PSMC6: variants seen among roughly 807,000 people sequenced by gnomAD.
PSMC6 encodes the protein 26S proteasome regulatory subunit 10B.
Under a neutral mutation model 55.9 loss-of-function variants are expected in PSMC6, and 3 were observed. That is an observed-to-expected ratio of 0.05 (90% confidence interval 0.02 to 0.14). The LOEUF (loss-of-function observed/expected upper bound fraction) is 0.14. Among genes scored for constraint, PSMC6 ranks in the 10% least tolerant of loss-of-function variants. PSMC6 has a pLI of 1.00. For missense variants in PSMC6, 210 were observed against 478.7 expected (o/e 0.44, Z 5.24); for synonymous variants, 137 against 155.9 (o/e 0.88, Z 0.90).
At chr14:52,709,548 G>A in intron 4 of PSMC6, 2 of 449,416 alleles carry the variant, frequency 4.5e-6, no homozygotes, top group South Asian at 3.2e-5. Flanking sequence ...TACCTAAACT[G>A]ACAAGGGATT....
chr14:52,727,451 A>G (rs1880468000), intron 13 of PSMC6, 48 bp from the exon 14 acceptor site: 1 of 1,170,758 alleles, frequency 8.5e-7, no homozygotes, highest in Non-Finnish European at 1.2e-6. Flanking sequence ...TAATGAACAT[A>G]TAATTCATAT....
At chr14:52,719,739 G>T (rs1435251190) in intron 10 of PSMC6, among the ~76,000 whole-genome samples, 3 of 152,012 alleles carry the variant, frequency 2.0e-5, no homozygotes, top group Admixed American at 6.6e-5. Context: ...CTTAAATTGA[G>T]ATATTTTTAA....
chr14:52,708,334 C>T lies in PSMC6; in HGVS notation c.111C>T (p.Thr37=). The change falls in exon 2 of 14, where the codon ACC becomes ACT. Residue 37 remains threonine, a synonymous_variant. Transcript: ENST00000445930. ...KELREQLKEL[T]KQYEKSENDL... ...TAAGGGAACAATTAAAAGAACTTAC[C>T]AAGCAGTATGAAAAGTCTGAAAATG... The T allele has an allele frequency of 6.2e-7, 1 of 1,612,102 alleles. No individual in the cohort carries two copies. The highest frequency in any genetic ancestry group is 1.7e-5 in the Admixed American group (1 of 59,994).
intron 4 of PSMC6, among the ~76,000 whole-genome samples, chr14:52,709,385 G>A (rs1044666963): frequency 1.3e-5 from 2 of 152,122 alleles, no homozygotes; most frequent in Non-Finnish European, 2.9e-5. Context: ...CATTGGAAGA[G>A]TTTTCTCTGT....
rs546020292 is a variant in PSMC6 at position 52,727,979 on chromosome 14, A to G, written c.*362A>G. On this transcript the variant is annotated 3_prime_UTR_variant, in exon 14 of 14. Coordinates refer to ENST00000445930, the MANE Select transcript of PSMC6 (RefSeq NM_002806.5). ...TAAAAAGTTGAATAAAATCTGTTTG[A>G]TTCAGTTCTCCTACATATATATTCT... The G allele has an allele frequency of 1.0e-4, 19 of 183,708 alleles. No homozygotes were observed. The South Asian group carries it at 1.8e-3, about 17-fold the overall frequency. The allele number at this position is 183,708 out of a possible 1,614,324, so 11.4% of individuals were successfully genotyped here.
intron 12 of PSMC6, chr14:52,722,404 G>C (rs1880235091): frequency 6.6e-6 from 1 of 151,230 alleles, no homozygotes; most frequent in African/African-American, 2.4e-5. Context: ...AATGCTACTG[G>C]GAATGACCTA....
intron 10 of PSMC6, among the ~76,000 whole-genome samples, chr14:52,720,034 C>T (rs1259993699): frequency 6.6e-6 from 1 of 151,956 alleles, no homozygotes. Flanking sequence ...ACCAGCCTGA[C>T]CAACGTAGCG....
chr14:52,720,087 G>T (rs1232921518), intron 10 of PSMC6, among the ~76,000 whole-genome samples: 1 of 151,952 alleles, frequency 6.6e-6, no homozygotes, highest in Non-Finnish European at 1.5e-5. Context: ...GCTGGGCGTG[G>T]TGGCGTGTGC....
At position 52,726,576 on chromosome 14, in the gene PSMC6, C is replaced by T. The variant is rs147265456; in HGVS notation, c.1052-923C>T. Among the ~76,000 whole-genome samples the T allele has an allele frequency of 3.7e-3, 567 of 152,154 alleles. 3 individuals carry two copies. The highest frequency in any genetic ancestry group is 5.8e-3 in the Non-Finnish European group (396 of 67,992). The stretch of plus-strand genomic sequence containing the variant: ...TATGTGTTGGTAGTTTTGATTGCTT[C>T]GGTTTTTTATGCTTGTTTTTATTAA... On this transcript the variant is annotated intron_variant, in intron 13 of 13. Coordinates refer to ENST00000445930, the MANE Select transcript of PSMC6 (RefSeq NM_002806.5).
chr14:52,715,131 TA>T (rs11411181), intron 7 of PSMC6, among the ~76,000 whole-genome samples: 111 of 146,538 alleles, frequency 7.6e-4, no homozygotes, highest in Non-Finnish European at 5.4e-4. Context: ...ACTTGCAGTG[TA>T]AAAAAAAAAA....
At chr14:52,710,460 G>C (rs2041759024) in intron 4 of PSMC6, 1 of 152,012 alleles carries the variant, frequency 6.6e-6, no homozygotes, top group Non-Finnish European at 1.5e-5. Flanking sequence ...CTTTATCTTT[G>C]AAAAGTAACA....
intron 13 of PSMC6, among the ~76,000 whole-genome samples, chr14:52,726,890 C>T (rs1175782773): frequency 2.0e-5 from 3 of 152,142 alleles, no homozygotes; most frequent in Non-Finnish European, 4.4e-5. Context: ...AATCCGTCCA[C>T]CTTGGCCTCC....
intron 7 of PSMC6, among the ~76,000 whole-genome samples, chr14:52,715,872 C>T (rs2041825300): frequency 1.3e-5 from 2 of 152,174 alleles, no homozygotes; most frequent in Non-Finnish European, 2.9e-5. Flanking sequence ...CCACCTCAGC[C>T]TCCCAAAGTG....
chr14:52,713,006 TG>T (rs1370835979), intron 6 of PSMC6, among the ~76,000 whole-genome samples: 2 of 151,952 alleles, frequency 1.3e-5, no homozygotes, highest in African/African-American at 4.8e-5. Flanking sequence ...CTGAGGTGGG[TG>T]GATCATCTGA....
At position 52,711,016 on chromosome 14, in the gene PSMC6, G is replaced by T. The variant is rs945455462; in HGVS notation, c.259-85G>T. On this transcript the variant is annotated intron_variant, in intron 4 of 13. Coordinates refer to ENST00000445930, the MANE Select transcript of PSMC6 (RefSeq NM_002806.5). ...TTCTCTCTGGAGGGTAAAAATGAGT[G>T]TTTGGCTTCTAAATATTAAACTCTC... is the stretch of plus-strand genomic sequence containing the variant. 14 of 280,186 alleles carry T rather than the reference G, an allele frequency of 5.0e-5. No homozygotes were observed. In the Admixed American group the frequency reaches 1.1e-3, roughly 22 times the overall value. 17.4% of individuals were successfully genotyped at this position (280,186 alleles called of 1,614,324 possible).
intron 13 of PSMC6, among the ~76,000 whole-genome samples, chr14:52,725,583 G>A (rs1880377059): frequency 6.6e-6 from 1 of 152,160 alleles, no homozygotes; most frequent in South Asian, 2.1e-4. Context: ...AGGCTGGAGT[G>A]CAGTGGCATG....
intron 4 of PSMC6, 59 bp from the exon 5 acceptor site, chr14:52,711,042 G>T (rs937281036): frequency 1.7e-5 from 6 of 346,730 alleles, no homozygotes; most frequent in Admixed American, 1.5e-4. Context: ...TTAAACTCTC[G>T]TTAGAGTGTT....
intron 12 of PSMC6, chr14:52,723,687 G>A (rs10130265): frequency 0.014 from 6,610 of 469,850 alleles, 385 homozygotes; most frequent in African/African-American, 0.12. Flanking sequence ...GTTCACATGT[G>A]CATAGCTATT....
At chr14:52,708,887 C>G in intron 4 of PSMC6, 71 bp downstream of exon 4, 1 of 1,588,142 alleles carries the variant, frequency 6.3e-7, no homozygotes, top group Non-Finnish European at 8.6e-7. Context: ...GTCTCTAATT[C>G]TTGAGGCAAG....
Sources: allele counts gnomAD v4.1 joint callset (sites outside exome capture counted in the v4.1 genomes callset), GRCh38; gene constraint gnomAD v4.1.1; transcripts MANE v1.5; gene names NCBI Gene and HGNC (gene_info 2026-07-23, HGNC 2026-07-21).